Variants in EPHA4 observed in about 807,000 individuals in gnomAD.
EPHA4 encodes ephrin type-A receptor 4.
In EPHA4, 19 loss-of-function variants were observed where a neutral mutation model predicts 108.3. That is an observed-to-expected ratio of 0.18 (90% confidence interval 0.12 to 0.26). EPHA4 has a LOEUF of 0.26. Ranked by LOEUF, EPHA4 falls within the 10% of genes least tolerant of loss-of-function variation. The probability of loss-of-function intolerance (pLI) is 1.00; values close to 1 mark genes in which losing one functional copy is unlikely to be tolerated. For missense variants in EPHA4, 917 were observed against 1,254.0 expected, an observed-to-expected ratio of 0.73 and a Z score of 4.06; for synonymous variants, 449 against 455.5, an observed-to-expected ratio of 0.99 and a Z score of 0.18.
At chr2:221,522,479 G>A (rs1693192791) in intron 3 of EPHA4, among the ~76,000 whole-genome samples, 3 of 152,120 alleles carry the variant, frequency 2.0e-5, no homozygotes, top group South Asian at 2.1e-4. Context: ...AATGATATAC[G>A]GTAACAGATT....
At chr2:221,459,991 T>C (rs1378145734) in intron 5 of EPHA4, among the ~76,000 whole-genome samples, 1 of 152,186 alleles carries the variant, frequency 6.6e-6, no homozygotes, top group East Asian at 1.9e-4. Flanking sequence ...CTGGTTGGGT[T>C]ATCATTAAAC....
At chr2:221,433,565 T>C (rs1559237646) in intron 14 of EPHA4, among the ~76,000 whole-genome samples, 2 of 152,194 alleles carry the variant, frequency 1.3e-5, no homozygotes, top group Non-Finnish European at 2.9e-5. Context: ...GGAATCTTAT[T>C]AGTGTCATTA....
intron 14 of EPHA4, among the ~76,000 whole-genome samples, chr2:221,430,393 A>G (rs1690036715): frequency 6.6e-6 from 1 of 152,192 alleles, no homozygotes; most frequent in Non-Finnish European, 1.5e-5. Flanking sequence ...TCAAGTGGCT[A>G]GAGCCCAGTC....
intron 3 of EPHA4, among the ~76,000 whole-genome samples, chr2:221,524,839 T>C (rs536634469): frequency 2.0e-5 from 3 of 152,348 alleles, no homozygotes; most frequent in South Asian, 4.1e-4. Context: ...CTACTGCTCA[T>C]GAATTAAAAT....
intron 8 of EPHA4, among the ~76,000 whole-genome samples, chr2:221,451,820 T>A (rs953553916): frequency 6.6e-6 from 1 of 152,222 alleles, no homozygotes; most frequent in Non-Finnish European, 1.5e-5. Context: ...AGGTATTTTA[T>A]AAATTTAGTA....
chr2:221,485,605 A>G (rs978841219), intron 4 of EPHA4, among the ~76,000 whole-genome samples: 3 of 152,140 alleles, frequency 2.0e-5, no homozygotes, highest in African/African-American at 2.4e-5. Flanking sequence ...GTTGGTCTGG[A>G]AAAAAACCTG....
At chr2:221,489,348 C>T (rs1046977074) in intron 4 of EPHA4, among the ~76,000 whole-genome samples, 2 of 152,150 alleles carry the variant, frequency 1.3e-5, no homozygotes, top group Non-Finnish European at 1.5e-5. Flanking sequence ...TTCTATTTCT[C>T]GTAACGACTG....
chr2:221,523,604 CT>C (rs989790831), intron 3 of EPHA4, among the ~76,000 whole-genome samples: 2 of 135,562 alleles, frequency 1.5e-5, no homozygotes, highest in African/African-American at 5.6e-5. Context: ...TTTTTAGTAA[CT>C]TTTTTTGAGA....
intron 5 of EPHA4, among the ~76,000 whole-genome samples, chr2:221,472,482 C>G (rs1270325731): frequency 6.6e-6 from 1 of 152,026 alleles, no homozygotes; most frequent in Non-Finnish European, 1.5e-5. Context: ...GGTGGCAGGT[C>G]ACTATTTAGC....
In EPHA4 at chr2:221,426,135, C is replaced by G. The variant is rs1310363964; in HGVS notation, c.2854G>C (p.Ala952Pro). The change falls in exon 17 of 18, where the codon GCA becomes CCA. Residue 952 changes from alanine to proline, a missense_variant. This residue lies in a region of EPHA4 where 133 missense variants were observed against 132.8 expected (regional missense o/e 1.00). Transcript: ENST00000281821. ...AVVHVNQEDL[A>P]RIGITAITHQ... ...GTGATGGCTGTGATACCAATTCTTG[C>G]CAGGTCCCTGTACATAGGGCGACAA... The G allele has an allele frequency of 1.2e-6, 2 of 1,613,820 alleles. No individual in the cohort carries two copies. Among genetic ancestry groups the G allele is most frequent in the Admixed American group, 3.3e-5 (2 of 59,986 alleles).
intron 3 of EPHA4, among the ~76,000 whole-genome samples, chr2:221,516,596 C>T (rs983929749): frequency 2.6e-5 from 4 of 152,106 alleles, no homozygotes; most frequent in Non-Finnish European, 2.9e-5. Flanking sequence ...CTCAGGTGAT[C>T]GGCCCGCCTC....
intron 3 of EPHA4, among the ~76,000 whole-genome samples, chr2:221,551,716 C>T (rs1036407649): frequency 6.6e-6 from 1 of 152,088 alleles, no homozygotes; most frequent in South Asian, 2.1e-4. Flanking sequence ...ATTCTTTATC[C>T]TATGGAGGAA....
In EPHA4 at chr2:221,437,678, A is replaced by G. The variant is rs187303499; in HGVS notation, c.2075-556T>C. Among the ~76,000 whole-genome samples, 840 of 151,800 alleles carry G rather than the reference A, an allele frequency of 5.5e-3. 11 individuals carry two copies. The highest frequency in any genetic ancestry group is 0.019 in the African/African-American group (784 of 41,320). On this transcript the variant is annotated intron_variant, in intron 11 of 17. Coordinates refer to ENST00000281821, the MANE Select transcript of EPHA4 (RefSeq NM_004438.5). ...TGTAATCTCAGCACTTTGGGAGGCC[A>G]AGACAGTCGGATTGCCTCAGGTCAG...
chr2:221,495,449 A>C (rs1692269733), intron 4 of EPHA4, among the ~76,000 whole-genome samples: 1 of 152,190 alleles, frequency 6.6e-6, no homozygotes, highest in African/African-American at 2.4e-5. Flanking sequence ...TCTCAGGCCT[A>C]ACCTCGCTCC....
At chr2:221,437,253 G>T in intron 11 of EPHA4, 131 bp from the exon 12 acceptor site, 1 of 625,536 alleles carries the variant, frequency 1.6e-6, no homozygotes. Flanking sequence ...AACAAGCCAA[G>T]CTTATGCCTC....
chr2:221,572,928 G>T (rs987044631), upstream of EPHA4: 1 of 152,352 alleles, frequency 6.6e-6, no homozygotes, highest in Non-Finnish European at 1.5e-5. Context: ...TGGAGAGCGG[G>T]GACCTACTTG....
At chr2:221,509,137 T>C (rs1429242863) in intron 3 of EPHA4, among the ~76,000 whole-genome samples, 1 of 152,204 alleles carries the variant, frequency 6.6e-6, no homozygotes, top group African/African-American at 2.4e-5. Context: ...GAGACCAGCC[T>C]GACCAACATG....
chr2:221,435,522 C>G (rs137979776), intron 13 of EPHA4, among the ~76,000 whole-genome samples: 169 of 152,170 alleles, frequency 1.1e-3, no homozygotes, highest in Admixed American at 2.0e-3. Context: ...ACAAAAAACC[C>G]CCATTGCTTG....
chr2:221,509,072 T>G (rs1281091483), intron 3 of EPHA4, among the ~76,000 whole-genome samples: 1 of 152,242 alleles, frequency 6.6e-6, no homozygotes, highest in Non-Finnish European at 1.5e-5. Context: ...CTCACACCTG[T>G]AATCCCACCA....
Sources: gnomAD v4.1 joint callset for allele counts (sites outside exome capture counted in the v4.1 genomes callset) on GRCh38, gnomAD v4.1.1 for gene constraint, gnomAD v4.1.1 regional missense constraint, MANE v1.5 for transcripts, NCBI Gene and HGNC (gene_info 2026-07-23, HGNC 2026-07-21) for gene names.